Variants in NDFIP1 observed in about 807,000 individuals in gnomAD.
The protein encoded by NDFIP1 is Nedd4 family interacting protein 1.
NDFIP1 carries 7 observed loss-of-function variants against 28.8 expected under a neutral mutation model. The observed-to-expected ratio is 0.24, with a 90% CI of 0.14 to 0.46. The LOEUF (loss-of-function observed/expected upper bound fraction) is 0.46. Among genes scored for constraint, NDFIP1 ranks in the 20% least tolerant of loss-of-function variants. The pLI is 0.99. For missense variants in NDFIP1, 194 were observed against 269.1 expected (o/e 0.72, Z 1.95); for synonymous variants, 92 against 101.0 (o/e 0.91, Z 0.53).
intron 1 of NDFIP1, among the ~76,000 whole-genome samples, chr5:142,116,962 C>G (rs897514564): frequency 1.4e-4 from 21 of 152,132 alleles, no homozygotes; most frequent in African/African-American, 4.8e-4. Flanking sequence ...CTGCCCATCT[C>G]TGCCTCCCAA....
At position 142,125,480 on chromosome 5, in the gene NDFIP1, A is replaced by T. The variant is rs1013551067; in HGVS notation, c.64-6328A>T. Among the ~76,000 whole-genome samples the T allele has an allele frequency of 1.3e-5, 2 of 152,140 alleles. 1 individual carries two copies. The highest frequency in any genetic ancestry group is 3.9e-4 in the East Asian group (2 of 5,168). ...TTGGCTAAAGTGATCCTCCTGTCTC[A>T]GCGTCTTGAGTAGCTGGATCACAGG... is the stretch of plus-strand genomic sequence containing the variant. On this transcript the variant is annotated intron_variant, in intron 1 of 7. Transcript: ENST00000253814.
At chr5:142,150,238 A>C (rs1757432444) in intron 7 of NDFIP1, among the ~76,000 whole-genome samples, 2 of 151,618 alleles carry the variant, frequency 1.3e-5, no homozygotes, top group Non-Finnish European at 2.9e-5. Context: ...TTATGTTTAT[A>C]ATGAGTCTGG....
At chr5:142,137,070 C>CAAAAA (rs56227585) in intron 4 of NDFIP1, among the ~76,000 whole-genome samples, 3 of 95,024 alleles carry the variant, frequency 3.2e-5, no homozygotes, top group Non-Finnish European at 4.2e-5. Context: ...GACTCAGTCT[C>CAAAAA]AAAAAAAAAA....
At chr5:142,140,093 T>C (rs573737096) in intron 5 of NDFIP1, among the ~76,000 whole-genome samples, 62 of 152,322 alleles carry the variant, frequency 4.1e-4, no homozygotes, top group African/African-American at 1.5e-3. Context: ...GCTAGTAATA[T>C]GTAAAATACT....
intron 1 of NDFIP1, among the ~76,000 whole-genome samples, chr5:142,121,943 C>T (rs1835966): frequency 0.67 from 102,648 of 152,098 alleles, 34,978 homozygotes; most frequent in African/African-American, 0.78. Context: ...CTGGGGTGAA[C>T]GCAGTGATAA....
In NDFIP1 at chr5:142,153,857, G is replaced by A. The variant is rs1336663383; in HGVS notation, c.*2129G>A. On this transcript the variant is annotated 3_prime_UTR_variant, in exon 8 of 8. Transcript: ENST00000253814. ...AGGTCCTTGCGCCTTATTTGGTTTTGTATATTCAACGAACTGAAATATTTG... is the reference window on the plus strand; with the variant it reads ...AGGTCCTTGCGCCTTATTTGGTTTTATATATTCAACGAACTGAAATATTTG... 1 of 153,190 alleles carries A rather than the reference G, an allele frequency of 6.5e-6. No homozygotes were observed. Among genetic ancestry groups the A allele is most frequent in the Admixed American group, 6.5e-5 (1 of 15,426 alleles). 9.5% of individuals were successfully genotyped at this position (153,190 alleles called of 1,614,324 possible). A position where few individuals can be genotyped will look rare whatever the true frequency, so the allele number is the denominator to read the frequency against.
chr5:142,117,820 C>T (rs1596782688), intron 1 of NDFIP1, among the ~76,000 whole-genome samples: 2 of 148,416 alleles, frequency 1.3e-5, no homozygotes, highest in African/African-American at 5.0e-5. Flanking sequence ...CCTCCATCTT[C>T]AGGCTTTCTT....
In NDFIP1 at chr5:142,120,799, T is replaced by C. The variant is rs148013791; in HGVS notation, c.64-11009T>C. On this transcript the variant is annotated intron_variant, in intron 1 of 7. Transcript: ENST00000253814. Reference sequence around the variant, plus strand: ...GTTGAATACTTGTAGAATGAAACATTCTGTGATGATAGTGTAACAGGAAAG... The same window carrying C: ...GTTGAATACTTGTAGAATGAAACATCCTGTGATGATAGTGTAACAGGAAAG... Among the ~76,000 whole-genome samples, 68 of 152,332 alleles carry C rather than the reference T, an allele frequency of 4.5e-4. 1 individual carries two copies. Among genetic ancestry groups the C allele is most frequent in the African/African-American group, 1.4e-3 (58 of 41,578 alleles).
chr5:142,110,108 C>T (rs1263181277), intron 1 of NDFIP1, among the ~76,000 whole-genome samples: 1 of 16,952 alleles, frequency 5.9e-5, no homozygotes, highest in Non-Finnish European at 1.0e-4. Context: ...CTGGTGCGGC[C>T]GGCCGGTTAC....
intron 7 of NDFIP1, among the ~76,000 whole-genome samples, chr5:142,146,745 T>G (rs1757393392): frequency 6.6e-6 from 1 of 152,192 alleles, no homozygotes; most frequent in Non-Finnish European, 1.5e-5. Context: ...ATTAGGGGAT[T>G]GCATACCTTC....
intron 1 of NDFIP1, among the ~76,000 whole-genome samples, chr5:142,113,561 G>A (rs1215632158): frequency 1.3e-5 from 2 of 152,136 alleles, no homozygotes; most frequent in South Asian, 2.1e-4. Context: ...TTTAATTGTG[G>A]TAAAATACAC....
At position 142,131,789 on chromosome 5, in the gene NDFIP1, A is replaced by G. The variant is rs759831215; in HGVS notation, c.64-19A>G. On this transcript the variant is annotated intron_variant, in intron 1 of 7. Coordinates refer to ENST00000253814, the MANE Select transcript of NDFIP1 (RefSeq NM_030571.4). Reference sequence around the variant, plus strand: ...TAATTGGCTTTATGCTTACATTAAAATATGAAATTTTTATTTAGTTGCAGA... The same window carrying G: ...TAATTGGCTTTATGCTTACATTAAAGTATGAAATTTTTATTTAGTTGCAGA... 2 of 1,551,468 alleles carry G rather than the reference A, an allele frequency of 1.3e-6. No individual in the cohort carries two copies. Among genetic ancestry groups the G allele is most frequent in the Non-Finnish European group, 8.7e-7 (1 of 1,154,720 alleles).
intron 7 of NDFIP1, among the ~76,000 whole-genome samples, chr5:142,144,902 C>G (rs1255958267): frequency 6.6e-6 from 1 of 152,170 alleles, no homozygotes; most frequent in Non-Finnish European, 1.5e-5. Context: ...TTACTTCATG[C>G]TTTGACAGTG....
chr5:142,137,627 T>C, intron 4 of NDFIP1, 107 bp from the exon 5 acceptor site: 1 of 1,295,592 alleles, frequency 7.7e-7, no homozygotes, highest in Non-Finnish European at 1.1e-6. Context: ...GAGGACAGGC[T>C]GTCTTTTATC....
chr5:142,141,978 T>A (rs193225348), intron 6 of NDFIP1, among the ~76,000 whole-genome samples: 18 of 151,942 alleles, frequency 1.2e-4, no homozygotes, highest in African/African-American at 3.4e-4. Flanking sequence ...TACAAAAAAA[T>A]TTTTTTAAAT....
chr5:142,138,921 A>G (rs916312968), intron 5 of NDFIP1, among the ~76,000 whole-genome samples: 8 of 152,048 alleles, frequency 5.3e-5, no homozygotes, highest in African/African-American at 1.9e-4. Context: ...CTGCATTTAA[A>G]AAGTGAATCA....
intron 5 of NDFIP1, chr5:142,138,068 G>T: frequency 4.3e-6 from 2 of 469,828 alleles, no homozygotes; most frequent in African/African-American, 1.9e-5. Flanking sequence ...TTGAAAACTG[G>T]TCTATCATTA....
At position 142,152,961 on chromosome 5, in the gene NDFIP1, T is replaced by C; in HGVS notation, c.*1233T>C. 3.9e-6 allele frequency: 1 copy of C among 256,166 alleles called. No individual in the cohort carries two copies. Among genetic ancestry groups the C allele is most frequent in the South Asian group, 4.5e-5 (1 of 22,282 alleles). The allele number at this position is 256,166 out of a possible 1,614,324, so 15.9% of individuals were successfully genotyped here. On this transcript the variant is annotated 3_prime_UTR_variant, in exon 8 of 8. Coordinates refer to ENST00000253814, the MANE Select transcript of NDFIP1 (RefSeq NM_030571.4). Reference sequence around the variant, plus strand: ...TACTAAATACATTCCTAAAAATGTATTTGAACATTGGTTCTGTAAAAGATA... The same window carrying C: ...TACTAAATACATTCCTAAAAATGTACTTGAACATTGGTTCTGTAAAAGATA...
chr5:142,145,316 A>G (rs947249898), intron 7 of NDFIP1, among the ~76,000 whole-genome samples: 1 of 152,186 alleles, frequency 6.6e-6, no homozygotes, highest in Non-Finnish European at 1.5e-5. Flanking sequence ...TGATTCACAC[A>G]TGATTTTCCC....
Sources: allele counts gnomAD v4.1 joint callset (sites outside exome capture counted in the v4.1 genomes callset), GRCh38; gene constraint gnomAD v4.1.1; transcripts MANE v1.5; gene names NCBI Gene and HGNC (gene_info 2026-07-23, HGNC 2026-07-21).